LRRFIP2: variants seen among roughly 807,000 people sequenced by gnomAD.
The protein encoded by LRRFIP2 is leucine-rich repeat flightless-interacting protein 2.
In LRRFIP2, 109 loss-of-function variants were observed where a neutral mutation model predicts 125.9. The observed-to-expected ratio is 0.87, with a 90% CI of 0.74 to 1.01. The LOEUF is 1.01. LRRFIP2 is among the 50% of genes least tolerant of loss of function. LRRFIP2 has a pLI of 0.00. For missense variants in LRRFIP2, 850 were observed against 862.3 expected, an observed-to-expected ratio of 0.99 and a Z score of 0.18; for synonymous variants, 291 against 293.1, an observed-to-expected ratio of 0.99 and a Z score of 0.07.
At chr3:37,090,493 G>A (rs1438465697) in intron 18 of LRRFIP2, among the ~76,000 whole-genome samples, 1 of 152,162 alleles carries the variant, frequency 6.6e-6, no homozygotes, top group African/African-American at 2.4e-5. Context: ...GCCTCCCAAA[G>A]TGCTGGGATT....
chr3:37,063,757 T>C lies in LRRFIP2; in HGVS notation c.1734A>G (p.Glu578=), dbSNP rs764326808. ...ATGCCTTTACCTGTGACAGTAGTTC[T>C]TCCTTCTCTCCAGCAAGTTTTCGTA... The part of the protein sequence containing the change: ...VRLRKLAGEK[E]ELLSQIRKLK... The change falls in exon 24 of 28, where the codon GAA becomes GAG. Residue 578 remains glutamate, a synonymous_variant. Transcript: ENST00000336686. 3 of 1,611,992 alleles carry C rather than the reference T, an allele frequency of 1.9e-6. No individual in the cohort carries two copies. The highest frequency in any genetic ancestry group is 2.5e-6 in the Non-Finnish European group (3 of 1,178,150).
chr3:37,093,716 G>C (rs1268918273), intron 17 of LRRFIP2, among the ~76,000 whole-genome samples: 1 of 152,102 alleles, frequency 6.6e-6, no homozygotes, highest in Non-Finnish European at 1.5e-5. Context: ...AGTTGTCAGG[G>C]TAAAACTGAA....
upstream of LRRFIP2, chr3:37,176,192 C>A (rs1410745506): frequency 6.6e-6 from 1 of 152,266 alleles, no homozygotes; most frequent in East Asian, 1.9e-4. Context: ...CCCGGCCAGG[C>A]GGGCGGGGAT....
At chr3:37,088,748 G>A (rs900849189) in intron 18 of LRRFIP2, among the ~76,000 whole-genome samples, 8 of 152,012 alleles carry the variant, frequency 5.3e-5, no homozygotes, top group Admixed American at 2.6e-4. Context: ...AATGAGCTAC[G>A]ATTGTGTCAC....
intron 6 of LRRFIP2, among the ~76,000 whole-genome samples, chr3:37,116,003 C>T (rs531698668): frequency 6.6e-6 from 1 of 152,180 alleles, no homozygotes; most frequent in African/African-American, 2.4e-5. Context: ...AAATATCTTT[C>T]TTTTCCAACT....
intron 23 of LRRFIP2, chr3:37,065,012 C>T (rs1463410414): frequency 6.5e-6 from 1 of 152,884 alleles, no homozygotes; most frequent in Non-Finnish European, 1.5e-5. Flanking sequence ...TGCTTACTAA[C>T]TTTCAAAATG....
At chr3:37,064,166 A>AAGGCATTCT in intron 23 of LRRFIP2, 1 of 193,458 alleles carries the variant, frequency 5.2e-6, no homozygotes. Context: ...AGAGATCCAA[A>AAGGCATTCT]TATGTGAAAG....
chr3:37,141,771 T>A (rs75623409), intron 2 of LRRFIP2, among the ~76,000 whole-genome samples: 2,614 of 152,216 alleles, frequency 0.017, 81 homozygotes, highest in African/African-American at 0.059. Context: ...CTCAGTAGCA[T>A]CAGACATTGT....
chr3:37,056,284 CA>C (rs2086834955), intron 25 of LRRFIP2, among the ~76,000 whole-genome samples: 1 of 151,926 alleles, frequency 6.6e-6, no homozygotes, highest in African/African-American at 2.4e-5. Flanking sequence ...TCCAAGAATC[CA>C]AGTTTAGCAA....
intron 16 of LRRFIP2, among the ~76,000 whole-genome samples, chr3:37,095,496 G>A (rs889745175): frequency 1.3e-5 from 2 of 152,128 alleles, no homozygotes; most frequent in African/African-American, 2.4e-5. Flanking sequence ...ATATACTTGC[G>A]ATTAGCCACA....
Position 37,055,684 on chromosome 3 carries a change from C to T in LRRFIP2, c.1871-519G>A, listed in dbSNP as rs147529141. Reference sequence around the variant, plus strand: ...TCTAGCATATATGTTACTACAGTATCCCTTGCAGCAAGAGTTAGAAGAAAA... The same window carrying T: ...TCTAGCATATATGTTACTACAGTATTCCTTGCAGCAAGAGTTAGAAGAAAA... On this transcript the variant is annotated intron_variant, in intron 25 of 27. Transcript: ENST00000336686. 1.2e-3 allele frequency among the ~76,000 whole-genome samples: 187 copies of T among 152,306 alleles called. 1 individual carries two copies. Among genetic ancestry groups the T allele is most frequent in the Non-Finnish European group, 2.3e-3 (159 of 68,030 alleles).
At chr3:37,171,029 A>C (rs1160091775) in intron 1 of LRRFIP2, 1 of 152,384 alleles carries the variant, frequency 6.6e-6, no homozygotes, top group African/African-American at 2.4e-5. Flanking sequence ...ATCTGTGTTC[A>C]TACCACTGGA....
In LRRFIP2 at chr3:37,053,780, G is replaced by T; in HGVS notation, c.*71C>A. 1.0e-6 allele frequency: 1 copy of T among 959,714 alleles called. No individual in the cohort carries two copies. Among genetic ancestry groups the T allele is most frequent in the Non-Finnish European group, 1.7e-6 (1 of 588,170 alleles). 59.4% of individuals were successfully genotyped at this position (959,714 alleles called of 1,614,324 possible). ...CAAAACAGTACTAAAAGGGGTTTGTGTCAATGGACAAAAGTCAGTCCCTCT... is the reference window on the plus strand; with the variant it reads ...CAAAACAGTACTAAAAGGGGTTTGTTTCAATGGACAAAAGTCAGTCCCTCT... On this transcript the variant is annotated 3_prime_UTR_variant, in exon 28 of 28. Coordinates refer to ENST00000336686, the MANE Select transcript of LRRFIP2 (RefSeq NM_006309.4).
intron 2 of LRRFIP2, among the ~76,000 whole-genome samples, chr3:37,137,021 G>A (rs1165190472): frequency 6.6e-6 from 1 of 151,412 alleles, no homozygotes; most frequent in Non-Finnish European, 1.5e-5. Context: ...AAGCTAGAGT[G>A]CAGTGGCATG....
intron 19 of LRRFIP2, among the ~76,000 whole-genome samples, chr3:37,080,938 G>A (rs2092588874): frequency 6.6e-6 from 1 of 152,086 alleles, no homozygotes; most frequent in South Asian, 2.1e-4. Context: ...TATATAATAT[G>A]AATTATTGTT....
chr3:37,081,090 A>G (rs1294786851), intron 19 of LRRFIP2, among the ~76,000 whole-genome samples: 1 of 152,148 alleles, frequency 6.6e-6, no homozygotes, highest in African/African-American at 2.4e-5. Context: ...CCCCATCTCC[A>G]CAAAAAGATT....
intron 1 of LRRFIP2, among the ~76,000 whole-genome samples, chr3:37,161,707 G>C (rs916446335): frequency 2.0e-5 from 3 of 148,848 alleles, no homozygotes; most frequent in African/African-American, 7.4e-5. Flanking sequence ...TAAATTTTAT[G>C]ACACACGAGT....
rs1356761771 is a variant in LRRFIP2, at chr3:37,066,221, T to C, written c.1566+3A>G. On this transcript the variant is annotated splice_donor_region_variant and intron_variant, in intron 22 of 27. Coordinates refer to ENST00000336686, the MANE Select transcript of LRRFIP2 (RefSeq NM_006309.4). The stretch of plus-strand genomic sequence containing the variant: ...CCTGAATTCCAGGCTAATGCTAACA[T>C]ACCTCTCCCGTCTTCACTGTCTCCT... The C allele has an allele frequency of 3.1e-6, 5 of 1,612,598 alleles. No homozygotes were observed. Among genetic ancestry groups the C allele is most frequent in the Non-Finnish European group, 4.2e-6 (5 of 1,178,594 alleles).
intron 1 of LRRFIP2, among the ~76,000 whole-genome samples, chr3:37,157,831 C>A (rs2096242634): frequency 6.6e-6 from 1 of 152,176 alleles, no homozygotes. Flanking sequence ...ACAACTCATA[C>A]TTTATAAAGA....
Sources: gnomAD v4.1 joint callset for allele counts (sites outside exome capture counted in the v4.1 genomes callset) on GRCh38, gnomAD v4.1.1 for gene constraint, MANE v1.5 for transcripts, NCBI Gene and HGNC (gene_info 2026-07-23, HGNC 2026-07-21) for gene names.